ZFAT: variants seen among roughly 807,000 people sequenced by gnomAD.
The protein encoded by ZFAT is zinc finger protein ZFAT.
In ZFAT, 64 loss-of-function variants were observed where a neutral mutation model predicts 117.7. The observed-to-expected ratio is 0.54, with a 90% CI of 0.44 to 0.67. The LOEUF (loss-of-function observed/expected upper bound fraction) is 0.67, where lower values mean the gene tolerates loss of function less well. Ranked by LOEUF, ZFAT falls within the 30% of genes least tolerant of loss-of-function variation. The pLI is 0.00. For missense variants in ZFAT, 1,433 were observed against 1,584.5 expected (o/e 0.90, Z 1.62); for synonymous variants, 679 against 615.0 (o/e 1.10, Z -1.54).
At chr8:134,751,267 T>C in the ZFAT span, among the ~76,000 whole-genome samples, 1 of 152,288 alleles carries the variant, frequency 6.6e-6, no homozygotes, top group Admixed American at 6.5e-5. Context: ...CAGGTTGCCA[T>C]CCTGGAAGCA....
intron 10 of ZFAT, among the ~76,000 whole-genome samples, chr8:134,579,511 A>G (rs931522246): frequency 1.3e-5 from 2 of 152,162 alleles, no homozygotes; most frequent in African/African-American, 4.8e-5. Context: ...CCATGATTCA[A>G]TTATCTCCCA....
intron 7 of ZFAT, among the ~76,000 whole-genome samples, chr8:134,590,803 C>T (rs1166386972): frequency 1.1e-5 from 1 of 94,510 alleles, no homozygotes; most frequent in African/African-American, 3.7e-5. Flanking sequence ...ATCACCACCA[C>T]CACCACCACC....
chr8:134,677,028 T>C (rs1296528418), intron 1 of ZFAT, among the ~76,000 whole-genome samples: 1 of 151,872 alleles, frequency 6.6e-6, no homozygotes, highest in African/African-American at 2.4e-5. Context: ...AACATCACAA[T>C]TAAAAGAACT....
At chr8:134,589,107 G>A (rs774265292) in intron 8 of ZFAT, among the ~76,000 whole-genome samples, 17 of 152,192 alleles carry the variant, frequency 1.1e-4, no homozygotes, top group Non-Finnish European at 1.8e-4. Flanking sequence ...ATTGTTCTGT[G>A]TGCTCTTGTA....
At chr8:134,681,120 G>T (rs930571258) in intron 1 of ZFAT, among the ~76,000 whole-genome samples, 30 of 152,234 alleles carry the variant, frequency 2.0e-4, no homozygotes, top group African/African-American at 6.8e-4. Flanking sequence ...GAAGGAGGCA[G>T]CTCCCAGAGG....
the ZFAT span, among the ~76,000 whole-genome samples, chr8:134,739,117 G>A: frequency 3.9e-4 from 60 of 152,258 alleles, no homozygotes; most frequent in South Asian, 2.5e-3. Flanking sequence ...ATCTGGGGCC[G>A]TTCTATATCA....
intron 11 of ZFAT, among the ~76,000 whole-genome samples, chr8:134,556,082 A>AAGGAAGGAAGGAAGGAAGGG (rs1823600705): frequency 7.1e-6 from 1 of 140,722 alleles, no homozygotes; most frequent in Non-Finnish European, 1.5e-5. Context: ...GAAGGGAAGG[A>AAGGAAGGAAGGAAGGAAGGG]AGGGAGGGAA....
chr8:134,776,086 A>T, the ZFAT span, among the ~76,000 whole-genome samples: 1 of 152,200 alleles, frequency 6.6e-6, no homozygotes, highest in Admixed American at 6.5e-5. Flanking sequence ...TCAATTTCCA[A>T]CCTGTAAGTC....
At chr8:134,562,535 T>C (rs1824127941) in intron 11 of ZFAT, among the ~76,000 whole-genome samples, 1 of 152,214 alleles carries the variant, frequency 6.6e-6, no homozygotes, top group African/African-American at 2.4e-5. Flanking sequence ...ATGCATTTGA[T>C]GAATACCCTA....
the ZFAT span, among the ~76,000 whole-genome samples, chr8:134,737,674 G>A: frequency 2.5e-4 from 38 of 152,306 alleles, no homozygotes; most frequent in East Asian, 3.9e-4. Context: ...ACCCTGACTC[G>A]GATAGTGAGG....
chr8:134,637,673 C>G lies in ZFAT; in HGVS notation c.236G>C (p.Gly79Ala), dbSNP rs1183953847. 1 of 1,614,152 alleles carries G rather than the reference C, an allele frequency of 6.2e-7. No homozygotes were observed. Among genetic ancestry groups the G allele is most frequent in the Non-Finnish European group, 8.5e-7 (1 of 1,180,042 alleles). ...VMKRKRGRPK[G>A]STKKSSTEEE... ...TTCTGTGCTGGACTTCTTCGTGGAC[C>G]CCTTAGGCCTGCCTCTCTTCCTCTT... is the stretch of plus-strand genomic sequence containing the variant. Residue 79 changes from glycine (G) to alanine (A), a missense_variant, in exon 3 of 16, where the codon GGG becomes GCG. Around this residue, in one of 5 missense-constraint regions of ZFAT, gnomAD observed 436 missense variants for 482.0 expected, o/e 0.90. Coordinates refer to ENST00000377838, the MANE Select transcript of ZFAT (RefSeq NM_020863.4).
intron 2 of ZFAT, among the ~76,000 whole-genome samples, chr8:134,656,461 T>C (rs1212126848): frequency 6.6e-6 from 1 of 152,210 alleles, no homozygotes; most frequent in Non-Finnish European, 1.5e-5. Flanking sequence ...CTGCATCTTT[T>C]TCATTTTTCA....
chr8:134,753,403 A>G, the ZFAT span, among the ~76,000 whole-genome samples: 1 of 152,216 alleles, frequency 6.6e-6, no homozygotes, highest in African/African-American at 2.4e-5. Context: ...CTTATGAATG[A>G]CTAGGATCAT....
intron 11 of ZFAT, among the ~76,000 whole-genome samples, chr8:134,546,757 C>T (rs1822728872): frequency 6.6e-6 from 1 of 152,238 alleles, no homozygotes; most frequent in Non-Finnish European, 1.5e-5. Flanking sequence ...TCTAGCTCTA[C>T]TGTCTAACAG....
At chr8:134,764,271 A>G in the ZFAT span, among the ~76,000 whole-genome samples, 13 of 152,298 alleles carry the variant, frequency 8.5e-5, no homozygotes, top group Non-Finnish European at 1.5e-4. Flanking sequence ...TGTCCTTGCT[A>G]GTTCTCTCAT....
the ZFAT span, among the ~76,000 whole-genome samples, chr8:134,774,890 G>C: frequency 5.9e-3 from 902 of 151,722 alleles, 10 homozygotes; most frequent in African/African-American, 0.02. Context: ...GCCAAGGCGG[G>C]TGGATCATTT....
chr8:134,783,665 A>C, the ZFAT span: 4 of 152,250 alleles, frequency 2.6e-5, no homozygotes, highest in African/African-American at 4.8e-5. Context: ...ACCACTGTCC[A>C]GTTCAATGAC....
At chr8:134,764,672 G>A in the ZFAT span, 2 of 152,170 alleles carry the variant, frequency 1.3e-5, no homozygotes, top group Admixed American at 1.3e-4. Flanking sequence ...CTTTTAATTT[G>A]AATATTCTTG....
chr8:134,751,471 G>C, the ZFAT span, among the ~76,000 whole-genome samples: 1 of 152,112 alleles, frequency 6.6e-6, no homozygotes, highest in African/African-American at 2.4e-5. Flanking sequence ...TCCAAAACTG[G>C]GACAGCAGCA....
Sources: allele counts gnomAD v4.1 joint callset (sites outside exome capture counted in the v4.1 genomes callset), GRCh38; gene constraint gnomAD v4.1.1; regional missense constraint gnomAD v4.1.1; transcripts MANE v1.5; gene names NCBI Gene and HGNC (gene_info 2026-07-23, HGNC 2026-07-21).